Variants in TBC1D13 observed in about 807,000 individuals in gnomAD.
TBC1D13 encodes TBC1 domain family member 13, also known as epididymis secretory sperm binding protein.
In TBC1D13, 40 loss-of-function variants were observed where a neutral mutation model predicts 53.6. That is an observed-to-expected ratio of 0.75 (90% CI 0.58 to 0.97). The LOEUF (loss-of-function observed/expected upper bound fraction) is 0.97, where lower values mean the gene tolerates loss of function less well. Ranked by LOEUF, TBC1D13 falls within the 50% of genes least tolerant of loss-of-function variation. TBC1D13 has a pLI of 0.00. For synonymous variants in TBC1D13, 182 were observed against 197.7 expected (o/e 0.92, Z 0.67); for missense variants, 377 against 499.4 (o/e 0.75, Z 2.34).
chr9:128,794,259 C>T (rs569752836), intron 6 of TBC1D13, among the ~76,000 whole-genome samples: 129 of 152,284 alleles, frequency 8.5e-4, no homozygotes, highest in African/African-American at 2.9e-3. Context: ...TGCTGCTCCT[C>T]AGCCCAGGCT....
At chr9:128,788,530 A>G in intron 2 of TBC1D13, 123 bp downstream of exon 2, 1 of 795,962 alleles carries the variant, frequency 1.3e-6, no homozygotes, top group Non-Finnish European at 2.1e-6. Context: ...TTGGAAGGAA[A>G]TTACACACAG....
chr9:128,806,433 C>T, intron 11 of TBC1D13, 122 bp downstream of exon 11: 1 of 1,138,502 alleles, frequency 8.8e-7, no homozygotes, highest in Non-Finnish European at 1.3e-6. Context: ...GGATTAAAGT[C>T]CAGACCCCTG....
chr9:128,805,679 C>T (rs73669974), intron 9 of TBC1D13, among the ~76,000 whole-genome samples, 180 bp from the exon 10 acceptor site: 3,668 of 152,328 alleles, frequency 0.024, 141 homozygotes, highest in African/African-American at 0.083. Context: ...TGGCTGGCAG[C>T]AAACAGGCTC....
chr9:128,801,847 C>T (rs1271288830), intron 7 of TBC1D13, among the ~76,000 whole-genome samples: 11 of 151,616 alleles, frequency 7.3e-5, no homozygotes, highest in African/African-American at 7.3e-5. Context: ...CTGCAAACTC[C>T]GCCTCCTGGG....
chr9:128,791,852 T>A (rs1303614232), intron 5 of TBC1D13, among the ~76,000 whole-genome samples, 159 bp downstream of exon 5: 1 of 152,150 alleles, frequency 6.6e-6, no homozygotes, highest in Non-Finnish European at 1.5e-5. Flanking sequence ...GTCACTAAGC[T>A]TGGGGGCCCT....
chr9:128,790,704 G>C (rs745523833), intron 2 of TBC1D13, 31 bp from the exon 3 acceptor site: 1 of 1,535,800 alleles, frequency 6.5e-7, no homozygotes, highest in Non-Finnish European at 8.7e-7. Flanking sequence ...ACTCTGGCCT[G>C]GGGCATGACC....
At chr9:128,797,237 C>T (rs370302512) in intron 7 of TBC1D13, 23 bp downstream of exon 7, 118 of 1,612,578 alleles carry the variant, frequency 7.3e-5, no homozygotes, top group Non-Finnish European at 9.2e-5. Flanking sequence ...CTGGGGTCCC[C>T]AGGGACTCCC....
At chr9:128,792,689 G>T (rs1335246429) in intron 6 of TBC1D13, 115 bp downstream of exon 6, 8 of 945,448 alleles carry the variant, frequency 8.5e-6, no homozygotes, top group Admixed American at 2.2e-5. Flanking sequence ...GGAGCTGCTG[G>T]TGGATTGTCC....
At chr9:128,788,806 T>C (rs1829477138) in intron 2 of TBC1D13, among the ~76,000 whole-genome samples, 1 of 152,188 alleles carries the variant, frequency 6.6e-6, no homozygotes, top group African/African-American at 2.4e-5. Context: ...TGCAGGGTTG[T>C]TCCTTGTTCT....
intron 7 of TBC1D13, among the ~76,000 whole-genome samples, chr9:128,801,457 A>G (rs1829731797): frequency 6.6e-6 from 1 of 151,964 alleles, no homozygotes; most frequent in Admixed American, 6.6e-5. Flanking sequence ...AGGCGGGCGG[A>G]TCACGAGGCC....
chr9:128,794,633 G>A (rs995702950), intron 6 of TBC1D13, among the ~76,000 whole-genome samples: 3 of 151,244 alleles, frequency 2.0e-5, no homozygotes, highest in South Asian at 2.1e-4. Context: ...GTGCCACAAC[G>A]CCTGGCTGAT....
In TBC1D13 at chr9:128,788,377, T is replaced by C. The variant is rs550347992; in HGVS notation, c.67T>C (p.Leu23=). The change falls in exon 2 of 12, where the codon TTG becomes CTG. Residue 23 remains leucine (L), a synonymous_variant. Transcript: ENST00000372648. ...QDVLKEPSIA[L]EKLRELSFSG... ...TGTCCTGAAGGAGCCCTCAATTGCA[T>C]TGGAAAAGCTGCGGGAACTCAGCTT... is the stretch of plus-strand genomic sequence containing the variant. 57 of 1,614,108 alleles carry C rather than the reference T, an allele frequency of 3.5e-5. No individual in the cohort carries two copies. In the East Asian group the frequency reaches 9.6e-4, roughly 27 times the overall value.
Position 128,808,098 on chromosome 9 carries a change from A to G in TBC1D13, c.*219A>G. On this transcript the variant is annotated 3_prime_UTR_variant, in exon 12 of 12. Coordinates refer to ENST00000372648, the MANE Select transcript of TBC1D13 (RefSeq NM_018201.5). ...GCACTCTGCCCTCTTTGCCCAGGAT[A>G]CTGAGGAGGGCTGGAGCTCGGGAAG... The G allele has an allele frequency of 3.6e-6, 2 of 554,144 alleles. No homozygotes were observed. Among genetic ancestry groups the G allele is most frequent in the South Asian group, 4.3e-5 (2 of 46,318 alleles). The allele number at this position is 554,144 out of a possible 1,614,324, so 34.3% of individuals were successfully genotyped here.
intron 6 of TBC1D13, among the ~76,000 whole-genome samples, chr9:128,796,802 G>C (rs1055741146): frequency 6.6e-6 from 1 of 151,992 alleles, no homozygotes; most frequent in Non-Finnish European, 1.5e-5. Context: ...CGGGCGTGGT[G>C]GTGGGCGCCT....
intron 9 of TBC1D13, among the ~76,000 whole-genome samples, chr9:128,804,781 T>C (rs1829802123): frequency 7.6e-6 from 1 of 131,522 alleles, no homozygotes. Context: ...CAGGTTGGAG[T>C]GCAGTGGTGC....
At chr9:128,792,338 T>G (rs1829548361) in intron 5 of TBC1D13, among the ~76,000 whole-genome samples, 154 bp from the exon 6 acceptor site, 1 of 152,180 alleles carries the variant, frequency 6.6e-6, no homozygotes, top group South Asian at 2.1e-4. Flanking sequence ...AGGGCTGTGT[T>G]GGCTCCTCTG....
chr9:128,795,880 C>T lies in TBC1D13; in HGVS notation c.384-1175C>T, dbSNP rs142849071. Among the ~76,000 whole-genome samples, 337 of 152,066 alleles carry T rather than the reference C, an allele frequency of 2.2e-3. 1 individual carries two copies. The highest frequency in any genetic ancestry group is 7.8e-3 in the African/African-American group (324 of 41,482). On this transcript the variant is annotated intron_variant, in intron 6 of 11. Transcript: ENST00000372648. Reference sequence around the variant, plus strand: ...AAGTGCTGGGATTACAGTGGTGAGCCACTGTGCCTGACCTAGATAAATATT... The same window carrying T: ...AAGTGCTGGGATTACAGTGGTGAGCTACTGTGCCTGACCTAGATAAATATT...
chr9:128,803,141 C>G, intron 7 of TBC1D13, 109 bp from the exon 8 acceptor site: 1 of 945,360 alleles, frequency 1.1e-6, no homozygotes, highest in Non-Finnish European at 1.7e-6. Flanking sequence ...GCAGCCTCGA[C>G]CACTGGGGCT....
Position 128,787,292 on chromosome 9 carries a change from G to C in TBC1D13, c.-62G>C, listed in dbSNP as rs1022666138. 971 of 1,250,930 alleles carry C rather than the reference G, an allele frequency of 7.8e-4. No individual in the cohort carries two copies. Among genetic ancestry groups the C allele is most frequent in the Non-Finnish European group, 9.2e-4 (916 of 990,866 alleles). 77.5% of individuals were successfully genotyped at this position (1,250,930 alleles called of 1,614,324 possible). A position where few individuals can be genotyped will look rare whatever the true frequency, so the allele number is the denominator to read the frequency against. ...GTCCCTGGGGGGCGGCGGCGGCGGC[G>C]GCAGCGCAGGCGGCAGAGGCGCAGG... On this transcript the variant is annotated 5_prime_UTR_variant, in exon 1 of 12. Coordinates refer to ENST00000372648, the MANE Select transcript of TBC1D13 (RefSeq NM_018201.5).
Sources: gnomAD v4.1 joint callset for allele counts (sites outside exome capture counted in the v4.1 genomes callset) on GRCh38, gnomAD v4.1.1 for gene constraint, MANE v1.5 for transcripts, NCBI Gene and HGNC (gene_info 2026-07-23, HGNC 2026-07-21) for gene names.